Variants in GPR158 observed in about 807,000 individuals in gnomAD.
GPR158 encodes metabotropic glycine receptor.
GPR158 carries 30 observed loss-of-function variants against 78.2 expected under a neutral mutation model. That is an observed-to-expected ratio of 0.38 (90% confidence interval 0.29 to 0.52). The LOEUF is 0.52. Among genes scored for constraint, GPR158 ranks in the 20% least tolerant of loss-of-function variants. The pLI is 0.83. For missense variants in GPR158, 1,463 were observed against 1,523.5 expected (o/e 0.96, Z 0.66); for synonymous variants, 581 against 591.1 (o/e 0.98, Z 0.25).
At chr10:25,328,442 G>A (rs1178074113) in intron 2 of GPR158, among the ~76,000 whole-genome samples, 1 of 151,904 alleles carries the variant, frequency 6.6e-6, no homozygotes, top group African/African-American at 2.4e-5. Context: ...TAATATATAT[G>A]TACTAACATA....
Position 25,505,660 on chromosome 10 carries a change from G to C in GPR158, c.1404+38941G>C, listed in dbSNP as rs78070280. Among the ~76,000 whole-genome samples, 532 of 152,308 alleles carry C rather than the reference G, an allele frequency of 3.5e-3. 2 individuals carry two copies. The highest frequency in any genetic ancestry group is 0.012 in the African/African-American group (491 of 41,562). On this transcript the variant is annotated intron_variant, in intron 5 of 10. Coordinates refer to ENST00000376351, the MANE Select transcript of GPR158 (RefSeq NM_020752.3). ...TGGTATAGTATGCAAGGCACTCAGAGACAATGCTGTCCTCAGATCCAGCCT... is the reference window on the plus strand; with the variant it reads ...TGGTATAGTATGCAAGGCACTCAGACACAATGCTGTCCTCAGATCCAGCCT...
At chr10:25,504,697 G>A (rs1023264492) in intron 5 of GPR158, among the ~76,000 whole-genome samples, 1 of 152,162 alleles carries the variant, frequency 6.6e-6, no homozygotes. Flanking sequence ...CCTACCTGCA[G>A]GAGTGTGGCT....
At chr10:25,292,132 C>A (rs532492464) in intron 2 of GPR158, among the ~76,000 whole-genome samples, 3 of 151,944 alleles carry the variant, frequency 2.0e-5, no homozygotes, top group Middle Eastern at 6.8e-3. Flanking sequence ...AATATATCAT[C>A]CCCCAAGAAA....
rs866589464 is a variant in GPR158, at chr10:25,176,698, G to A, written c.902+376G>A. On this transcript the variant is annotated intron_variant, in intron 1 of 10. Coordinates refer to ENST00000376351, the MANE Select transcript of GPR158 (RefSeq NM_020752.3). The surrounding 1 kb of genome is among the most constrained non-coding windows in gnomAD (Gnocchi z 6.3). ...GCGATGCGACAACTTGGCGAGCGCCGGGTGTGTCCGCGGAGTGGCAAGCCT... is the reference window on the plus strand; with the variant it reads ...GCGATGCGACAACTTGGCGAGCGCCAGGTGTGTCCGCGGAGTGGCAAGCCT... Among the ~76,000 whole-genome samples, 1 of 152,262 alleles carries A rather than the reference G, an allele frequency of 6.6e-6. No individual in the cohort carries two copies. The highest frequency in any genetic ancestry group is 1.9e-4 in the East Asian group (1 of 5,188).
At chr10:25,405,436 G>A (rs556208837) in intron 3 of GPR158, among the ~76,000 whole-genome samples, 1 of 136,778 alleles carries the variant, frequency 7.3e-6, no homozygotes, top group South Asian at 2.5e-4. Flanking sequence ...TAATGGCTTA[G>A]TTTGACAATA....
intron 5 of GPR158, among the ~76,000 whole-genome samples, chr10:25,472,634 T>C (rs1209763907): frequency 6.6e-6 from 1 of 152,222 alleles, no homozygotes; most frequent in African/African-American, 2.4e-5. Flanking sequence ...CCTCTTTTAT[T>C]TCCTTGAGCA....
At chr10:25,567,434 G>C (rs1836944916) in intron 6 of GPR158, among the ~76,000 whole-genome samples, 1 of 152,168 alleles carries the variant, frequency 6.6e-6, no homozygotes, top group Admixed American at 6.5e-5. Context: ...GAGTCAGTAG[G>C]TCTGGGTGGG....
chr10:25,314,227 A>G (rs2130467327), intron 2 of GPR158, among the ~76,000 whole-genome samples: 1 of 152,114 alleles, frequency 6.6e-6, no homozygotes, highest in African/African-American at 2.4e-5. Flanking sequence ...CAGCCTCCCG[A>G]GTAGCTGGGA....
chr10:25,344,224 G>A (rs1037293597), intron 2 of GPR158, among the ~76,000 whole-genome samples: 4 of 151,862 alleles, frequency 2.6e-5, no homozygotes, highest in African/African-American at 7.3e-5. Flanking sequence ...TTTATTTCGC[G>A]TTGGGGCTAA....
In GPR158 at chr10:25,175,788, A is replaced by T. The variant is rs1852520776; in HGVS notation, c.368A>T (p.His123Leu). 6.2e-7 allele frequency: 1 copy of T among 1,611,406 alleles called. No homozygotes were observed. The highest frequency in any genetic ancestry group is 1.3e-5 in the African/African-American group (1 of 74,914). ...CTGGCCAGCGCGCACCCCTCCTTGC[A>T]CCGGGCGCTGGACACACTGACACAC... is the stretch of plus-strand genomic sequence containing the variant. ...PALASAHPSL[H>L]RALDTLTHAT... is the part of the protein sequence containing the mutation. Residue 123 changes from histidine (H) to leucine (L), a missense_variant, in exon 1 of 11, where the codon CAC becomes CTC. Physicochemically the swap from His to Leu is moderately conservative, Grantham distance 99. Coordinates refer to ENST00000376351, the MANE Select transcript of GPR158 (RefSeq NM_020752.3). The surrounding 1 kb of genome is among the most constrained non-coding windows in gnomAD (Gnocchi z 6.4).
At chr10:25,577,381 CTT>C (rs1408709683) in intron 7 of GPR158, among the ~76,000 whole-genome samples, 1 of 152,148 alleles carries the variant, frequency 6.6e-6, no homozygotes, top group Non-Finnish European at 1.5e-5. Context: ...GGTGGGAAGA[CTT>C]TCTCAAGAAG....
intron 5 of GPR158, among the ~76,000 whole-genome samples, chr10:25,498,852 G>T (rs1187604855): frequency 1.3e-5 from 2 of 152,174 alleles, no homozygotes; most frequent in African/African-American, 2.4e-5. Context: ...GGATGGCACA[G>T]CTGTCGGATT....
chr10:25,483,310 T>C (rs1835684556), intron 5 of GPR158, among the ~76,000 whole-genome samples: 1 of 152,086 alleles, frequency 6.6e-6, no homozygotes, highest in African/African-American at 2.4e-5. Flanking sequence ...GGGCTCTTCA[T>C]TGTTCTCAAA....
intron 4 of GPR158, among the ~76,000 whole-genome samples, chr10:25,458,544 T>G (rs1835319944): frequency 6.6e-6 from 1 of 152,192 alleles, no homozygotes; most frequent in East Asian, 1.9e-4. Context: ...CTGACTTCAT[T>G]TCCTCTATCT....
intron 4 of GPR158, among the ~76,000 whole-genome samples, chr10:25,413,579 C>T (rs1440691930): frequency 6.6e-6 from 1 of 152,140 alleles, no homozygotes; most frequent in African/African-American, 2.4e-5. Context: ...TCTCTTTATA[C>T]TGGCAGAGTT....
intron 1 of GPR158, among the ~76,000 whole-genome samples, chr10:25,219,760 G>A (rs1429124722): frequency 1.3e-5 from 2 of 152,184 alleles, no homozygotes; most frequent in Non-Finnish European, 2.9e-5. Flanking sequence ...CTGTTAGAAT[G>A]CTTCACAGTA....
intron 2 of GPR158, among the ~76,000 whole-genome samples, chr10:25,302,705 A>G (rs1854617280): frequency 6.6e-6 from 1 of 152,196 alleles, no homozygotes; most frequent in Admixed American, 6.5e-5. Flanking sequence ...GAGCCATACA[A>G]AAACAGACTG....
At position 25,586,390 on chromosome 10, in the gene GPR158, A is replaced by ATTTTTTTTT. The variant is rs1564498202; in HGVS notation, c.1754-2617_1754-2616insTTTTTTTTT. Among the ~76,000 whole-genome samples the ATTTTTTTTT allele has an allele frequency of 2.3e-5, 3 of 130,942 alleles. 1 individual carries two copies. 85.9% of individuals were successfully genotyped at this position (130,942 alleles called of 152,430 possible). A position where few individuals can be genotyped will look rare whatever the true frequency, so the allele number is the denominator to read the frequency against. On this transcript the variant is annotated intron_variant, in intron 7 of 10. Coordinates refer to ENST00000376351, the MANE Select transcript of GPR158 (RefSeq NM_020752.3). Reference sequence around the variant, plus strand: ...CCAGGGTTGTAAGTAGGTATGTGTGAATTTTTTTTTTTTTTTTTTTTTTTT... The same window carrying ATTTTTTTTT: ...CCAGGGTTGTAAGTAGGTATGTGTGATTTTTTTTTATTTTTTTTTTTTTTTTTTTTTTTT...
At chr10:25,395,344 CTTTATT>C (rs943099276) in intron 2 of GPR158, among the ~76,000 whole-genome samples, 1 of 151,942 alleles carries the variant, frequency 6.6e-6, no homozygotes, top group African/African-American at 2.4e-5. Flanking sequence ...ATTAATTCAT[CTTTATT>C]TTTATCTTCT....
Sources: allele counts gnomAD v4.1 joint callset (sites outside exome capture counted in the v4.1 genomes callset), GRCh38; gene constraint gnomAD v4.1.1; non-coding constraint Gnocchi (gnomAD v3.1); transcripts MANE v1.5; gene names NCBI Gene and HGNC (gene_info 2026-07-23, HGNC 2026-07-21).